The following STOX1 variants were observed in gnomAD, a reference collection of about 807,000 sequenced individuals.
The protein encoded by STOX1 is storkhead box 1, also known as storkhead-box protein 1.
STOX1 carries 57 observed loss-of-function variants against 74.8 expected under a neutral mutation model. That is an observed-to-expected ratio of 0.76 (90% confidence interval 0.62 to 0.95). The LOEUF is 0.95. Among genes scored for constraint, STOX1 ranks in the 40% least tolerant of loss-of-function variants. The probability of loss-of-function intolerance (pLI) is 0.00; values close to 1 mark genes in which losing one functional copy is unlikely to be tolerated. For missense variants in STOX1, 1,010 were observed against 1,117.0 expected (o/e 0.90, Z 1.37); for synonymous variants, 375 against 401.3 (o/e 0.93, Z 0.78).
intron 1 of STOX1, among the ~76,000 whole-genome samples, chr10:68,875,852 G>A (rs577576444): frequency 5.9e-5 from 9 of 152,228 alleles, no homozygotes; most frequent in African/African-American, 2.2e-4. Context: ...CCATCCTACA[G>A]GAGGCTGATT....
Position 68,892,686 on chromosome 10 carries a change from C to A in STOX1, c.2920C>A (p.Pro974Thr), listed in dbSNP as rs758567364. 2 of 1,613,850 alleles carry A rather than the reference C, an allele frequency of 1.2e-6. No homozygotes were observed. Among genetic ancestry groups the A allele is most frequent in the Non-Finnish European group, 1.7e-6 (2 of 1,179,938 alleles). ...TGTCGAAGGCACAAAGAGCAGTCAA[C>A]CACTCACATCTAATTCCTTACTACC... ...QNVEGTKSSQ[P>T]LTSNSLLPLT... Residue 974 changes from proline (P) to threonine (T), a missense_variant, in exon 4 of 4, where the codon CCA (proline) becomes ACA (threonine). Coordinates refer to ENST00000298596, the MANE Select transcript of STOX1 (RefSeq NM_152709.5).
Position 68,882,127 on chromosome 10 carries a change from T to G in STOX1, c.463+17T>G, listed in dbSNP as rs1840827341. ...ATTACCCAGGTAGAGTAATAAATTT[T>G]TGTCTATTTGTACTTCACTGTATGT... On this transcript the variant is annotated intron_variant, in intron 2 of 3. Coordinates refer to ENST00000298596, the MANE Select transcript of STOX1 (RefSeq NM_152709.5). 6.2e-7 allele frequency: 1 copy of G among 1,612,246 alleles called. No individual in the cohort carries two copies. The highest frequency in any genetic ancestry group is 1.3e-5 in the African/African-American group (1 of 74,922).
chr10:68,858,238 A>G (rs1840174078), intron 1 of STOX1, among the ~76,000 whole-genome samples: 2 of 152,140 alleles, frequency 1.3e-5, no homozygotes. Context: ...GCCAGCTCCT[A>G]GAAGCAGAAG....
At chr10:68,851,408 G>T (rs193044423) in intron 1 of STOX1, among the ~76,000 whole-genome samples, 3 of 151,852 alleles carry the variant, frequency 2.0e-5, no homozygotes, top group African/African-American at 7.2e-5. Context: ...ATATAATTAT[G>T]ATCCAATTGT....
intron 1 of STOX1, among the ~76,000 whole-genome samples, chr10:68,867,145 C>T (rs986242001): frequency 2.0e-5 from 3 of 151,990 alleles, no homozygotes; most frequent in Non-Finnish European, 4.4e-5. Context: ...CAGGGTTTCA[C>T]TGTGTTAGCC....
chr10:68,873,619 CT>C (rs903229250), intron 1 of STOX1, among the ~76,000 whole-genome samples: 6 of 126,160 alleles, frequency 4.8e-5, no homozygotes, highest in South Asian at 5.2e-4. Flanking sequence ...CTAGCTAGTC[CT>C]TTTTTTTTCT....
intron 1 of STOX1, among the ~76,000 whole-genome samples, chr10:68,834,570 G>A (rs1187006048): frequency 1.3e-5 from 2 of 152,164 alleles, no homozygotes; most frequent in African/African-American, 4.8e-5. Context: ...CACATCTTAA[G>A]TTTACTATTT....
intron 1 of STOX1, among the ~76,000 whole-genome samples, chr10:68,869,912 G>A (rs1840495544): frequency 2.0e-5 from 3 of 152,072 alleles, no homozygotes; most frequent in Admixed American, 2.0e-4. Context: ...AGTTCCCTGT[G>A]TATGGGCAAG....
intron 1 of STOX1, among the ~76,000 whole-genome samples, chr10:68,868,102 G>A (rs952544998): frequency 2.6e-5 from 4 of 152,216 alleles, no homozygotes; most frequent in African/African-American, 9.7e-5. Context: ...ATCCGGGTTC[G>A]AGCCCCAAGT....
At chr10:68,870,267 T>C (rs1840506312) in intron 1 of STOX1, among the ~76,000 whole-genome samples, 1 of 152,232 alleles carries the variant, frequency 6.6e-6, no homozygotes, top group South Asian at 2.1e-4. Context: ...GTCACTGTCA[T>C]TGCCTTTGTG....
chr10:68,893,153 T>A (rs944504884), downstream of STOX1: 1 of 191,938 alleles, frequency 5.2e-6, no homozygotes, highest in African/African-American at 2.4e-5. Context: ...CAGAAAACAG[T>A]GTGTGTTGAA....
downstream of STOX1, among the ~76,000 whole-genome samples, chr10:68,894,302 G>A (rs1056012913): frequency 6.6e-6 from 1 of 151,946 alleles, no homozygotes; most frequent in East Asian, 1.9e-4. Context: ...CTCGTGATTC[G>A]CCTGCCTCGG....
intron 1 of STOX1, among the ~76,000 whole-genome samples, chr10:68,876,960 C>G (rs776081959): frequency 1.2e-4 from 18 of 152,200 alleles, no homozygotes; most frequent in Non-Finnish European, 2.5e-4. Flanking sequence ...CAGACCATAA[C>G]TGAAGCTCGA....
At chr10:68,847,760 G>C (rs146718652) in intron 1 of STOX1, among the ~76,000 whole-genome samples, 1 of 145,512 alleles carries the variant, frequency 6.9e-6, no homozygotes, top group African/African-American at 2.6e-5. Flanking sequence ...ACGGAGTTTC[G>C]CTCTTGTTGC....
At chr10:68,865,625 G>A (rs1036985519) in intron 1 of STOX1, among the ~76,000 whole-genome samples, 2 of 152,172 alleles carry the variant, frequency 1.3e-5, no homozygotes, top group African/African-American at 4.8e-5. Context: ...CTCCAGCCTG[G>A]GCGACAGAGT....
chr10:68,885,285 TTCCAGGGTTTGTCTC>T lies in STOX1; in HGVS notation c.1490_1504del (p.Phe497_His502delinsTyr). ...TTACAAAAAGCGAATCAGTAATCCT[TTCCAGGGTTTGTCTC>T]ACCGAGGAAGCACAATATCCAAAGG... On this transcript the variant is annotated inframe_deletion, in exon 3 of 4. Transcript: ENST00000298596. The T allele has an allele frequency of 6.2e-7, 1 of 1,614,194 alleles. No individual in the cohort carries two copies.
chr10:68,877,348 T>G (rs1840704505), intron 1 of STOX1, among the ~76,000 whole-genome samples: 1 of 152,212 alleles, frequency 6.6e-6, no homozygotes, highest in Admixed American at 6.5e-5. Context: ...TAGGGTTGTT[T>G]TAAAAAGGTG....
At chr10:68,879,601 T>C (rs1470550793) in intron 1 of STOX1, among the ~76,000 whole-genome samples, 1 of 152,318 alleles carries the variant, frequency 6.6e-6, no homozygotes, top group East Asian at 1.9e-4. Flanking sequence ...ACAGATCTTA[T>C]TTTAAGAAAA....
chr10:68,885,604 G>A lies in STOX1; in HGVS notation c.1808G>A (p.Ser603Asn), dbSNP rs762863579. The change falls in exon 3 of 4, where the codon AGC becomes AAC. Residue 603 changes from serine to asparagine, a missense_variant. Coordinates refer to ENST00000298596, the MANE Select transcript of STOX1 (RefSeq NM_152709.5). ...NDGKCCPFME[S>N]MLRYEVYGGE... ...GGTAAATGCTGTCCCTTTATGGAAA[G>A]CATGTTGAGATATGAAGTGTATGGT... 2 of 1,614,198 alleles carry A rather than the reference G, an allele frequency of 1.2e-6. No homozygotes were observed. Among genetic ancestry groups the A allele is most frequent in the South Asian group, 1.1e-5 (1 of 91,082 alleles).
Sources: allele counts gnomAD v4.1 joint callset (sites outside exome capture counted in the v4.1 genomes callset), GRCh38; gene constraint gnomAD v4.1.1; transcripts MANE v1.5; gene names NCBI Gene and HGNC (gene_info 2026-07-23, HGNC 2026-07-21).